The following AGBL4 variants were observed in gnomAD, a reference collection of about 807,000 sequenced individuals.
The protein encoded by AGBL4 is cytosolic carboxypeptidase 6.
Under a neutral mutation model 66.4 loss-of-function variants are expected in AGBL4, and 58 were observed. The ratio of observed to expected loss-of-function variants is 0.87; its 90% CI spans 0.71 to 1.09. The LOEUF (loss-of-function observed/expected upper bound fraction) is 1.09, where lower values mean the gene tolerates loss of function less well. Ranked by LOEUF, AGBL4 falls within the 50% of genes least tolerant of loss-of-function variation. The pLI, the probability that AGBL4 is intolerant of heterozygous loss-of-function variation, is 0.00. For missense variants in AGBL4, 579 were observed against 631.0 expected (o/e 0.92, Z 0.88); for synonymous variants, 234 against 222.9 (o/e 1.05, Z -0.44).
At chr1:49,406,001 T>C (rs1448229228) in intron 3 of AGBL4, among the ~76,000 whole-genome samples, 1 of 152,220 alleles carries the variant, frequency 6.6e-6, no homozygotes, top group Non-Finnish European at 1.5e-5. Flanking sequence ...AATTAGCCCT[T>C]ACAACAACCA....
intron 9 of AGBL4, among the ~76,000 whole-genome samples, chr1:48,604,618 TA>T (rs1013307535): frequency 2.0e-5 from 3 of 151,684 alleles, no homozygotes; most frequent in Admixed American, 6.6e-5. Context: ...GGTTTTTTTT[TA>T]AAAAAAATTC....
chr1:49,000,175 C>T (rs982562214), intron 5 of AGBL4, among the ~76,000 whole-genome samples: 12 of 152,224 alleles, frequency 7.9e-5, no homozygotes, highest in African/African-American at 2.9e-4. Flanking sequence ...GACACTAAGA[C>T]TCAGAGAAGT....
chr1:49,844,860 C>G, intron 2 of AGBL4: 2 of 1,492,646 alleles, frequency 1.3e-6, no homozygotes, highest in South Asian at 1.1e-5. Context: ...GCCTAGAGAG[C>G]CTGGCAGTGC....
chr1:48,755,604 C>T (rs1652428440), intron 6 of AGBL4, among the ~76,000 whole-genome samples: 1 of 152,192 alleles, frequency 6.6e-6, no homozygotes, highest in African/African-American at 2.4e-5. Flanking sequence ...GAGAGTCAAA[C>T]AAGGGTCTCT....
rs564641886 is a variant in AGBL4, at chr1:48,892,900, A to G, written c.595-25670T>C. On this transcript the variant is annotated intron_variant, in intron 5 of 13. Transcript: ENST00000371839. The stretch of plus-strand genomic sequence containing the variant: ...GAGTTTCTGGTTAGACCATCTTTCT[A>G]AATAAGGTCGCATACACAGGTACCA... Among the ~76,000 whole-genome samples, 7 of 152,146 alleles carry G rather than the reference A, an allele frequency of 4.6e-5. No individual in the cohort carries two copies. In the South Asian group the frequency reaches 8.3e-4, roughly 18 times the overall value.
At chr1:49,585,959 G>T (rs766807165) in intron 3 of AGBL4, among the ~76,000 whole-genome samples, 14 of 152,022 alleles carry the variant, frequency 9.2e-5, no homozygotes, top group Non-Finnish European at 1.9e-4. Context: ...GTGTATTGGG[G>T]CCATATTTGA....
Position 48,587,065 on chromosome 1 carries a change from G to A in AGBL4, c.1206C>T (p.Val402=). ...CACTGATGATGTAGCTGTAGAAGGA[G>A]ACCTCTAGGGTGTAGCAATAGGAAG... is the stretch of plus-strand genomic sequence containing the variant. ...DHTSYCYTLE[V]SFYSYIISGT... The change falls in exon 11 of 14, where the codon GTC becomes GTT. Residue 402 remains valine, a synonymous_variant. Coordinates refer to ENST00000371839, the MANE Select transcript of AGBL4 (RefSeq NM_032785.4). 6.2e-7 allele frequency: 1 copy of A among 1,605,810 alleles called. No homozygotes were observed. Among genetic ancestry groups the A allele is most frequent in the Non-Finnish European group, 8.5e-7 (1 of 1,176,448 alleles).
intron 3 of AGBL4, among the ~76,000 whole-genome samples, chr1:49,513,868 T>C (rs1286566282): frequency 6.6e-6 from 1 of 152,020 alleles, no homozygotes; most frequent in Non-Finnish European, 1.5e-5. Flanking sequence ...TGCCAGACAC[T>C]GTGGTGGGCA....
At chr1:49,344,636 CTCT>C (rs1205754696) in intron 3 of AGBL4, among the ~76,000 whole-genome samples, 5 of 152,082 alleles carry the variant, frequency 3.3e-5, no homozygotes, top group African/African-American at 1.2e-4. Flanking sequence ...TAGTGATCTG[CTCT>C]TTAACCCCAA....
chr1:49,622,502 G>C (rs893740162), intron 3 of AGBL4, among the ~76,000 whole-genome samples: 1 of 149,446 alleles, frequency 6.7e-6, no homozygotes, highest in Non-Finnish European at 1.5e-5. Context: ...AGTGGCGGGC[G>C]CCTGTAGTCC....
intron 6 of AGBL4, among the ~76,000 whole-genome samples, chr1:48,703,344 G>C (rs1250490930): frequency 6.6e-6 from 1 of 152,074 alleles, no homozygotes; most frequent in African/African-American, 2.4e-5. Context: ...AAACAGAATT[G>C]ACACTGCAGA....
chr1:49,808,196 G>C (rs1645017358), intron 2 of AGBL4, among the ~76,000 whole-genome samples: 1 of 152,180 alleles, frequency 6.6e-6, no homozygotes, highest in South Asian at 2.1e-4. Flanking sequence ...GGTGAATATG[G>C]TGACAGAAAT....
intron 4 of AGBL4, among the ~76,000 whole-genome samples, chr1:49,126,695 G>A (rs1376667977): frequency 6.6e-6 from 1 of 152,132 alleles, no homozygotes; most frequent in Non-Finnish European, 1.5e-5. Flanking sequence ...GAAATTGGTA[G>A]TAATGTTGTC....
chr1:49,326,979 G>C (rs1408745541), intron 3 of AGBL4, among the ~76,000 whole-genome samples: 1 of 152,142 alleles, frequency 6.6e-6, no homozygotes, highest in African/African-American at 2.4e-5. Context: ...GAGTCTACCT[G>C]CGTTTCTGGC....
chr1:48,872,517 C>T (rs1429538253), intron 5 of AGBL4, among the ~76,000 whole-genome samples: 1 of 152,116 alleles, frequency 6.6e-6, no homozygotes, highest in African/African-American at 2.4e-5. Flanking sequence ...GTTTGAAAAG[C>T]CCAGCTACTG....
chr1:48,961,080 G>GGTGTGTGTGTGTGT (rs140660896), intron 5 of AGBL4, among the ~76,000 whole-genome samples: 72 of 148,710 alleles, frequency 4.8e-4, no homozygotes, highest in African/African-American at 1.6e-3. Flanking sequence ...CCCAGTCTGG[G>GGTGTGTGTGTGTGT]GTGTGTGTGT....
intron 4 of AGBL4, among the ~76,000 whole-genome samples, chr1:49,153,296 G>A (rs1646372842): frequency 6.6e-6 from 1 of 152,042 alleles, no homozygotes; most frequent in Non-Finnish European, 1.5e-5. Flanking sequence ...GGGAGGAGAG[G>A]TGAAGGTAAG....
At chr1:48,838,960 C>G (rs1646741083) in intron 6 of AGBL4, among the ~76,000 whole-genome samples, 1 of 151,978 alleles carries the variant, frequency 6.6e-6, no homozygotes, top group Non-Finnish European at 1.5e-5. Context: ...AAATGCAAAT[C>G]AAAGCCACAA....
chr1:49,906,167 CA>C (rs1650255811), intron 1 of AGBL4, among the ~76,000 whole-genome samples: 2 of 148,408 alleles, frequency 1.3e-5, no homozygotes, highest in South Asian at 4.2e-4. Flanking sequence ...GATCCTTATC[CA>C]ATTAAGTAGC....
Sources: gnomAD v4.1 joint callset for allele counts (sites outside exome capture counted in the v4.1 genomes callset) on GRCh38, gnomAD v4.1.1 for gene constraint, MANE v1.5 for transcripts, NCBI Gene and HGNC (gene_info 2026-07-23, HGNC 2026-07-21) for gene names.